VIPR1: variants seen among roughly 807,000 people sequenced by gnomAD.
The protein encoded by VIPR1 is vasoactive intestinal polypeptide receptor 1.
In VIPR1, 59 loss-of-function variants were observed where a neutral mutation model predicts 58.8. That is an observed-to-expected ratio of 1.00 (90% CI 0.81 to 1.25). The LOEUF (loss-of-function observed/expected upper bound fraction) is 1.25. Among genes scored for constraint, VIPR1 ranks in the 50% most tolerant of loss-of-function variants. The pLI, the probability that VIPR1 is intolerant of heterozygous loss-of-function variation, is 0.00. For synonymous variants in VIPR1, 251 were observed against 242.1 expected, an observed-to-expected ratio of 1.04 and a Z score of -0.34; for missense variants, 626 against 602.7, an observed-to-expected ratio of 1.04 and a Z score of -0.40.
Position 42,534,974 on chromosome 3 carries a change from G to A in VIPR1, c.1011-1G>A. 6.2e-7 allele frequency: 1 copy of A among 1,614,132 alleles called. No individual in the cohort carries two copies. On this transcript the variant is annotated splice_acceptor_variant, in intron 10 of 12. Coordinates refer to ENST00000325123, the MANE Select transcript of VIPR1 (RefSeq NM_004624.4). LOFTEE classifies it high-confidence loss of function. Reference sequence around the variant, plus strand: ...ATGGCCTGTCCCTCCCCTGTCTCCAGAAGGCTAGCCAGGTCCACACTCCTG... The same window carrying A: ...ATGGCCTGTCCCTCCCCTGTCTCCAAAAGGCTAGCCAGGTCCACACTCCTG...
At chr3:42,535,520 C>A in intron 12 of VIPR1, 136 bp downstream of exon 12, 1 of 897,900 alleles carries the variant, frequency 1.1e-6, no homozygotes, top group Non-Finnish European at 1.8e-6. Flanking sequence ...ACTAGTAGCA[C>A]TGGTGTCACC....
At chr3:42,493,342 C>G (rs1359236581) in intron 1 of VIPR1, among the ~76,000 whole-genome samples, 2 of 152,162 alleles carry the variant, frequency 1.3e-5, no homozygotes, top group African/African-American at 4.8e-5. Context: ...CCTAAAATAG[C>G]CTTGTCTCCC....
At chr3:42,515,402 C>T (rs1559485328) in intron 2 of VIPR1, among the ~76,000 whole-genome samples, 1 of 152,226 alleles carries the variant, frequency 6.6e-6, no homozygotes, top group African/African-American at 2.4e-5. Context: ...GGCCCCACCC[C>T]ACTCCACCAG....
chr3:42,504,110 G>A (rs1227520295), intron 1 of VIPR1, among the ~76,000 whole-genome samples: 3 of 152,124 alleles, frequency 2.0e-5, no homozygotes, highest in African/African-American at 7.2e-5. Flanking sequence ...CTGTCCCAGA[G>A]GCCACAGCTC....
chr3:42,497,849 A>T (rs147208422), upstream of VIPR1, among the ~76,000 whole-genome samples: 971 of 152,234 alleles, frequency 6.4e-3, 6 homozygotes, highest in Middle Eastern at 0.02. Context: ...CTATGAGTCC[A>T]CTAAACCTCT....
At chr3:42,502,598 G>A, upstream of VIPR1, 1 of 627,252 alleles carries the variant, frequency 1.6e-6, no homozygotes, top group Non-Finnish European at 2.3e-6. Context: ...CCCGCCCCCA[G>A]CCCTGAGCTG....
chr3:42,502,915 G>A (rs1238180240), intron 1 of VIPR1, 102 bp downstream of exon 1: 41 of 939,544 alleles, frequency 4.4e-5, no homozygotes, highest in Non-Finnish European at 1.9e-5. Flanking sequence ...GCGCGTGTCT[G>A]TGTAAGAGGA....
intron 3 of VIPR1, chr3:42,521,492 G>A (rs537246658): frequency 2.4e-4 from 36 of 152,354 alleles, no homozygotes; most frequent in African/African-American, 8.7e-4. Context: ...ATTCCAAAGA[G>A]GGAAGTTTGC....
At chr3:42,512,849 G>T (rs1411189346) in intron 1 of VIPR1, 2 of 985,360 alleles carry the variant, frequency 2.0e-6, no homozygotes. Context: ...CTTCCTCCAT[G>T]GAGGCCTTCA....
rs1553638629 is a variant in VIPR1 at position 42,523,640 on chromosome 3, C to CACACACACAT, written c.293-2247_293-2246insACACACACAT. Among the ~76,000 whole-genome samples the CACACACACAT allele has an allele frequency of 5.7e-3, 855 of 150,866 alleles. 11 individuals are homozygous for CACACACACAT. Among genetic ancestry groups the CACACACACAT allele is most frequent in the African/African-American group, 0.018 (749 of 40,964 alleles). On this transcript the variant is annotated intron_variant, in intron 3 of 12. Transcript: ENST00000325123. ...ACACACACACACACACACACACACACGGCATGTGAAGCTGCTGTGTACATG... is the reference window on the plus strand; with the variant it reads ...ACACACACACACACACACACACACACACACACACATGGCATGTGAAGCTGCTGTGTACATG...
At chr3:42,515,888 G>A (rs1036680709) in intron 2 of VIPR1, among the ~76,000 whole-genome samples, 1 of 152,194 alleles carries the variant, frequency 6.6e-6, no homozygotes, top group African/African-American at 2.4e-5. Context: ...TGGCTTGTAT[G>A]TCTATCAGTG....
At chr3:42,506,076 C>G (rs952652175) in intron 1 of VIPR1, among the ~76,000 whole-genome samples, 2 of 152,346 alleles carry the variant, frequency 1.3e-5, no homozygotes, top group African/African-American at 2.4e-5. Context: ...CAAACTTATA[C>G]AGCTATTTCT....
intron 3 of VIPR1, among the ~76,000 whole-genome samples, chr3:42,522,101 A>ATT (rs1158302778): frequency 1.7e-4 from 6 of 35,370 alleles, no homozygotes; most frequent in African/African-American, 4.3e-4. Flanking sequence ...ATATATATAT[A>ATT]TTTTTTTTTT....
At chr3:42,532,055 C>T in intron 9 of VIPR1, 186 bp downstream of exon 9, 1 of 891,948 alleles carries the variant, frequency 1.1e-6, no homozygotes. Flanking sequence ...ATTGGGAGCA[C>T]AGTCCTTAGG....
chr3:42,522,063 C>T (rs1327899216), intron 3 of VIPR1, among the ~76,000 whole-genome samples: 1 of 110,382 alleles, frequency 9.1e-6, no homozygotes, highest in Non-Finnish European at 1.8e-5. Flanking sequence ...TATCTTTCAT[C>T]TGTGTTTCTA....
At chr3:42,524,311 G>A (rs1701117292) in intron 3 of VIPR1, among the ~76,000 whole-genome samples, 1 of 152,230 alleles carries the variant, frequency 6.6e-6, no homozygotes, top group African/African-American at 2.4e-5. Flanking sequence ...ATGGGAAGCT[G>A]AGAGGGGCGC....
Position 42,536,908 on chromosome 3 carries a change from T to A in VIPR1, c.*627T>A, listed in dbSNP as rs1338032411. 6.6e-6 allele frequency: 1 copy of A among 152,204 alleles called. No individual in the cohort carries two copies. Among genetic ancestry groups the A allele is most frequent in the African/African-American group, 2.4e-5 (1 of 41,440 alleles). The allele number at this position is 152,204 out of a possible 1,614,324, so 9.4% of individuals were successfully genotyped here. A position where few individuals can be genotyped will look rare whatever the true frequency, so the allele number is the denominator to read the frequency against. On this transcript the variant is annotated 3_prime_UTR_variant, in exon 13 of 13. Transcript: ENST00000325123. ...CTATCTTAGTGGTTCCCCACCGAAG[T>A]GGACTGGCCCCTGGGTCAGTCTGGT... is the stretch of plus-strand genomic sequence containing the variant.
rs1211036874 is a variant in VIPR1 at position 42,525,943 on chromosome 3, C to T, written c.349C>T (p.Pro117Ser). 2 of 1,613,692 alleles carry T rather than the reference C, an allele frequency of 1.2e-6. No homozygotes were observed. Among genetic ancestry groups the T allele is most frequent in the East Asian group, 2.2e-5 (1 of 44,866 alleles). ...DEGWTHLEPGPYPIACGLDDK... is the reference protein window; with the variant it reads ...DEGWTHLEPGSYPIACGLDDK... ...AGGCTGGACGCACCTGGAGCCTGGC[C>T]CGTACCCCATTGCCTGTGGTTTGGA... Residue 117 changes from proline to serine, a missense_variant, in exon 4 of 13, where the codon CCG becomes TCG. Physicochemically the swap from Pro to Ser is moderately conservative, Grantham distance 74. Coordinates refer to ENST00000325123, the MANE Select transcript of VIPR1 (RefSeq NM_004624.4).
At chr3:42,512,493 C>T (rs1700405422) in intron 1 of VIPR1, among the ~76,000 whole-genome samples, 1 of 152,156 alleles carries the variant, frequency 6.6e-6, no homozygotes, top group African/African-American at 2.4e-5. Context: ...TTGGTGCCTG[C>T]AGGCCAGGAG....
Sources: gnomAD v4.1 joint callset for allele counts (sites outside exome capture counted in the v4.1 genomes callset) on GRCh38, gnomAD v4.1.1 for gene constraint, MANE v1.5 for transcripts, NCBI Gene and HGNC (gene_info 2026-07-23, HGNC 2026-07-21) for gene names.